SLC22A3: variants seen among roughly 807,000 people sequenced by gnomAD.
SLC22A3 encodes the protein solute carrier family 22 member 3, also known as EMT organic cation transporter 3.
In SLC22A3, 51 loss-of-function variants were observed where a neutral mutation model predicts 59.1. The observed-to-expected ratio is 0.86, with a 90% CI of 0.69 to 1.09. The LOEUF (loss-of-function observed/expected upper bound fraction) is 1.09, where lower values mean the gene tolerates loss of function less well. Among genes scored for constraint, SLC22A3 ranks in the 50% least tolerant of loss-of-function variants. The pLI, the probability that SLC22A3 is intolerant of heterozygous loss-of-function variation, is 0.00. For synonymous variants in SLC22A3, 325 were observed against 292.0 expected, an observed-to-expected ratio of 1.11 and a Z score of -1.15; for missense variants, 711 against 726.3, an observed-to-expected ratio of 0.98 and a Z score of 0.24.
chr6:160,427,718 A>T (rs1488131242), intron 5 of SLC22A3, among the ~76,000 whole-genome samples: 2 of 152,142 alleles, frequency 1.3e-5, no homozygotes, highest in Non-Finnish European at 2.9e-5. Flanking sequence ...AAAGCAGAGG[A>T]TTTGCTTGAA....
intron 1 of SLC22A3, among the ~76,000 whole-genome samples, chr6:160,362,981 CTAAT>C (rs1785071123): frequency 6.6e-6 from 1 of 152,254 alleles, no homozygotes; most frequent in Non-Finnish European, 1.5e-5. Flanking sequence ...AGAGTTGTCT[CTAAT>C]TGAGTGCAGG....
intron 1 of SLC22A3, among the ~76,000 whole-genome samples, chr6:160,358,726 C>G (rs1784922155): frequency 6.6e-6 from 1 of 152,378 alleles, no homozygotes. Flanking sequence ...CCAGTTCCCT[C>G]CTTCTTGCTC....
chr6:160,425,405 A>G (rs1012339309), intron 5 of SLC22A3, among the ~76,000 whole-genome samples: 7 of 152,180 alleles, frequency 4.6e-5, no homozygotes, highest in African/African-American at 1.7e-4. Context: ...GCTGTATTCA[A>G]GGCATCTATT....
At chr6:160,417,806 A>G (rs538797551) in intron 5 of SLC22A3, among the ~76,000 whole-genome samples, 2 of 152,182 alleles carry the variant, frequency 1.3e-5, no homozygotes, top group South Asian at 4.2e-4. Flanking sequence ...TTATCTCTGC[A>G]CCTCAGCCAT....
At chr6:160,375,544 A>G (rs933787571) in intron 1 of SLC22A3, among the ~76,000 whole-genome samples, 2 of 152,192 alleles carry the variant, frequency 1.3e-5, no homozygotes, top group African/African-American at 2.4e-5. Context: ...GTAAGATACC[A>G]ACTTTTTTAT....
At chr6:160,392,362 T>C (rs1196937544) in intron 1 of SLC22A3, among the ~76,000 whole-genome samples, 1 of 152,190 alleles carries the variant, frequency 6.6e-6, no homozygotes, top group Non-Finnish European at 1.5e-5. Flanking sequence ...CCATGGGCCA[T>C]TTCTTTGTTT....
chr6:160,356,271 G>A (rs369388124), intron 1 of SLC22A3, among the ~76,000 whole-genome samples: 4 of 152,266 alleles, frequency 2.6e-5, no homozygotes, highest in South Asian at 4.1e-4. Flanking sequence ...GGCCATGGCC[G>A]CCCGCAGACC....
chr6:160,400,984 GAAAAAAAA>G (rs58532600), intron 2 of SLC22A3, among the ~76,000 whole-genome samples: 2 of 78,558 alleles, frequency 2.5e-5, no homozygotes, highest in Non-Finnish European at 4.7e-5. Context: ...CTCCAAAACT[GAAAAAAAA>G]AAAAAAAAAA....
chr6:160,348,684 C>A lies in SLC22A3; in HGVS notation c.265C>A (p.Arg89Ser). 6.6e-7 allele frequency: 1 copy of A among 1,507,654 alleles called. No individual in the cohort carries two copies. The highest frequency in any genetic ancestry group is 8.8e-7 in the Non-Finnish European group (1 of 1,136,298). 93.4% of individuals were successfully genotyped at this position (1,507,654 alleles called of 1,614,324 possible). A position where few individuals can be genotyped will look rare whatever the true frequency, so the allele number is the denominator to read the frequency against. ...RGPEPPERRG[R>S]CQRYLLEAAN... ...CCCAGAGCCCCCCGAGCGCCGCGGC[C>A]GCTGCCAGCGCTACCTCCTGGAGGC... The change falls in exon 1 of 11, where the codon CGC becomes AGC. Residue 89 changes from arginine (R) to serine (S), a missense_variant. Physicochemically the swap from Arg to Ser is moderately radical, Grantham distance 110. Coordinates refer to ENST00000275300, the MANE Select transcript of SLC22A3 (RefSeq NM_021977.4).
At chr6:160,354,082 C>CTTAG (rs1448811162) in intron 1 of SLC22A3, among the ~76,000 whole-genome samples, 1 of 152,110 alleles carries the variant, frequency 6.6e-6, no homozygotes, top group African/African-American at 2.4e-5. Flanking sequence ...CTTGGTAAAC[C>CTTAG]TTAGAAAGGA....
Position 160,407,049 on chromosome 6 carries a change from G to A in SLC22A3, c.542G>A (p.Arg181Lys), listed in dbSNP as rs748996780. The A allele has an allele frequency of 5.0e-6, 8 of 1,613,074 alleles. No individual in the cohort carries two copies. Among genetic ancestry groups the A allele is most frequent in the Non-Finnish European group, 6.8e-6 (8 of 1,179,508 alleles). ...TLGYAADRYG[R>K]IVIYLLSCLG... The stretch of plus-strand genomic sequence containing the variant: ...CTGTCTTTCTCAAAAAGGTATGGCA[G>A]GATCGTCATTTACTTGCTATCCTGC... Residue 181 changes from arginine (R) to lysine (K), a missense_variant, in exon 3 of 11, where the codon AGG becomes AAG. By Grantham distance (26) the Arg-to-Lys change is conservative. Coordinates refer to ENST00000275300, the MANE Select transcript of SLC22A3 (RefSeq NM_021977.4).
At chr6:160,351,560 G>A (rs1784661845) in intron 1 of SLC22A3, among the ~76,000 whole-genome samples, 1 of 152,152 alleles carries the variant, frequency 6.6e-6, no homozygotes, top group African/African-American at 2.4e-5. Context: ...CTAATATTTT[G>A]CTGTCTTTGG....
Position 160,437,015 on chromosome 6 carries a change from G to T in SLC22A3, c.1092G>T (p.Val364=). ...GCTACAGGTTCACAAGCGCAGTGGT[G>T]TATCAAGGACTTGTCATGCGCCTGG... ...LMFAWFTSAV[V]YQGLVMRLGI... Residue 364 remains valine (V), a synonymous_variant, in exon 7 of 11, where the codon GTG becomes GTT. Transcript: ENST00000275300. The T allele has an allele frequency of 1.2e-6, 2 of 1,614,124 alleles. No homozygotes were observed. Among genetic ancestry groups the T allele is most frequent in the South Asian group, 1.1e-5 (1 of 91,086 alleles).
chr6:160,366,413 C>G (rs960070023), intron 1 of SLC22A3, among the ~76,000 whole-genome samples: 1 of 152,220 alleles, frequency 6.6e-6, no homozygotes, highest in Non-Finnish European at 1.5e-5. Flanking sequence ...CAGCCTTGGA[C>G]GGCTCTGCCC....
At chr6:160,420,379 G>T (rs1479245928) in intron 5 of SLC22A3, among the ~76,000 whole-genome samples, 1 of 152,164 alleles carries the variant, frequency 6.6e-6, no homozygotes, top group Non-Finnish European at 1.5e-5. Flanking sequence ...GATTTCCTCT[G>T]GGAAAATAAA....
At chr6:160,349,692 G>C (rs1021116377) in intron 1 of SLC22A3, among the ~76,000 whole-genome samples, 10 of 152,204 alleles carry the variant, frequency 6.6e-5, no homozygotes, top group Admixed American at 5.9e-4. Flanking sequence ...TGAAATGGAA[G>C]ATTGCCTCTC....
intron 1 of SLC22A3, among the ~76,000 whole-genome samples, chr6:160,357,928 A>C (rs1275952324): frequency 6.6e-6 from 1 of 152,224 alleles, no homozygotes; most frequent in Non-Finnish European, 1.5e-5. Context: ...ATCTCTTGTC[A>C]GCTCCTAGCA....
intron 7 of SLC22A3, among the ~76,000 whole-genome samples, 179 bp downstream of exon 7, chr6:160,437,390 A>G (rs1478115411): frequency 1.3e-5 from 2 of 152,250 alleles, no homozygotes; most frequent in African/African-American, 4.8e-5. Context: ...TTGGTTCTGT[A>G]GATGATTCTC....
At chr6:160,426,720 C>T (rs528677520) in intron 5 of SLC22A3, among the ~76,000 whole-genome samples, 74 of 152,196 alleles carry the variant, frequency 4.9e-4, no homozygotes, top group Non-Finnish European at 8.2e-4. Context: ...TGGTCTCCAT[C>T]TTCCTAATGA....
Sources: gnomAD v4.1 joint callset for allele counts (sites outside exome capture counted in the v4.1 genomes callset) on GRCh38, gnomAD v4.1.1 for gene constraint, MANE v1.5 for transcripts, NCBI Gene and HGNC (gene_info 2026-07-23, HGNC 2026-07-21) for gene names.